The following LRRC31 variants were observed in gnomAD, a reference collection of about 807,000 sequenced individuals.
The protein encoded by LRRC31 is leucine rich repeat containing 31.
In LRRC31, 35 loss-of-function variants were observed where a neutral mutation model predicts 46.7. The observed-to-expected ratio is 0.75, with a 90% CI of 0.57 to 0.99. The LOEUF (loss-of-function observed/expected upper bound fraction) is 0.99, where lower values mean the gene tolerates loss of function less well. Ranked by LOEUF, LRRC31 falls within the 50% of genes least tolerant of loss-of-function variation. LRRC31 has a pLI of 0.00. For synonymous variants in LRRC31, 236 were observed against 235.1 expected, an observed-to-expected ratio of 1.00 and a Z score of -0.03; for missense variants, 613 against 626.1, an observed-to-expected ratio of 0.98 and a Z score of 0.22.
intron 8 of LRRC31, among the ~76,000 whole-genome samples, chr3:169,843,236 G>A (rs1479674572): frequency 6.6e-6 from 1 of 152,188 alleles, no homozygotes; most frequent in Non-Finnish European, 1.5e-5. Context: ...AAAATGAGGG[G>A]CCATGTATCA....
In LRRC31 at chr3:169,848,196, T is replaced by C. The variant is rs534855486; in HGVS notation, c.1251A>G (p.Thr417=). ...CTTGAAGAGACATGGAAAGCTTTAG[T>C]GTTTCCAGAAGCAGCTTCAAGTTGC... The part of the protein sequence containing the change: ...VGGNLKLLLE[T]LKLSMSLQVL... Residue 417 remains threonine, a synonymous_variant, in exon 8 of 9, where the codon ACA becomes ACG. Coordinates refer to ENST00000316428, the MANE Select transcript of LRRC31 (RefSeq NM_024727.4). 10 of 1,614,186 alleles carry C rather than the reference T, an allele frequency of 6.2e-6. No individual in the cohort carries two copies. In the East Asian group the frequency reaches 2.0e-4, roughly 32 times the overall value.
At chr3:169,851,807 G>A in intron 6 of LRRC31, 21 bp from the exon 7 acceptor site, 2 of 1,612,346 alleles carry the variant, frequency 1.2e-6, no homozygotes, top group East Asian at 4.5e-5. Context: ...TATCAACAGT[G>A]ACATGTTTTA....
chr3:169,856,471 C>T lies in LRRC31; in HGVS notation c.688G>A (p.Val230Ile), dbSNP rs760147467. ...TCTCTGTTAATGGAAAGATCAAGTA[C>T]TTCGAGACTTTGCAGCATAGGTAGC... ...QLLPMLQSLEVLDLSINRDIV... is the reference protein window; with the variant it reads ...QLLPMLQSLEILDLSINRDIV... The change falls in exon 5 of 9, where the codon GTA becomes ATA. Residue 230 changes from valine to isoleucine, a missense_variant. Coordinates refer to ENST00000316428, the MANE Select transcript of LRRC31 (RefSeq NM_024727.4). 1 of 1,602,916 alleles carries T rather than the reference C, an allele frequency of 6.2e-7. No individual in the cohort carries two copies. The highest frequency in any genetic ancestry group is 1.7e-5 in the Admixed American group (1 of 58,434).
Position 169,860,740 on chromosome 3 carries a change from C to A in LRRC31, c.320-12G>T, listed in dbSNP as rs746163635. The A allele has an allele frequency of 3.1e-6, 5 of 1,612,502 alleles. No homozygotes were observed. The highest frequency in any genetic ancestry group is 1.1e-5 in the South Asian group (1 of 91,008). ...AGGCAGCAAGGCAACTAGAAGTGAA[C>A]AGAAGAAAATACAGATATGTGTATG... On this transcript the variant is annotated splice_polypyrimidine_tract_variant and intron_variant, in intron 2 of 8. Transcript: ENST00000316428.
intron 1 of LRRC31, among the ~76,000 whole-genome samples, chr3:169,868,199 C>A (rs1232911814): frequency 1.3e-5 from 2 of 152,204 alleles, no homozygotes; most frequent in African/African-American, 2.4e-5. Flanking sequence ...TGTCTCCCAT[C>A]CTGCTTTAGC....
intron 8 of LRRC31, among the ~76,000 whole-genome samples, chr3:169,845,947 T>C (rs76774565): frequency 0.015 from 2,317 of 152,232 alleles, 60 homozygotes; most frequent in African/African-American, 0.053. Context: ...AATAGCAAAT[T>C]ATATTTCTGA....
chr3:169,859,762 G>T (rs986661393), intron 3 of LRRC31, among the ~76,000 whole-genome samples: 2 of 152,152 alleles, frequency 1.3e-5, no homozygotes, highest in African/African-American at 2.4e-5. Context: ...AATTGTAAAA[G>T]AACTTAATTC....
rs1780660041 is a variant in LRRC31 at position 169,848,174 on chromosome 3, G to A, written c.1273C>T (p.Gln425Ter). Reference sequence around the variant, plus strand: ...GAACAGCTGCTCAGCCTCAGCACTTGAAGAGACATGGAAAGCTTTAGTGTT... The same window carrying A: ...GAACAGCTGCTCAGCCTCAGCACTTAAAGAGACATGGAAAGCTTTAGTGTT... ...LETLKLSMSL[Q>*]VLRLSSCSLV... Residue 425 changes from glutamine (Q) to a stop codon, truncating the protein, a stop_gained, in exon 8 of 9, where the codon CAA becomes TAA. Coordinates refer to ENST00000316428, the MANE Select transcript of LRRC31 (RefSeq NM_024727.4). LOFTEE classifies it high-confidence loss of function. The A allele has an allele frequency of 6.2e-7, 1 of 1,614,094 alleles. No individual in the cohort carries two copies. Among genetic ancestry groups the A allele is most frequent in the South Asian group, 1.1e-5 (1 of 91,080 alleles).
intron 1 of LRRC31, 146 bp downstream of exon 1, chr3:169,869,487 G>T (rs534868826): frequency 3.1e-4 from 162 of 528,372 alleles, no homozygotes; most frequent in Admixed American, 7.3e-4. Context: ...ATTAGGCATT[G>T]CATGCCTGTA....
chr3:169,863,099 G>T (rs1408170770), intron 1 of LRRC31, among the ~76,000 whole-genome samples: 1 of 151,816 alleles, frequency 6.6e-6, no homozygotes, highest in Admixed American at 6.6e-5. Flanking sequence ...GGCCAGGCTG[G>T]TCTCGAACTC....
At chr3:169,867,047 G>GTTTTGT (rs1560636105) in intron 1 of LRRC31, among the ~76,000 whole-genome samples, 2 of 92,678 alleles carry the variant, frequency 2.2e-5, no homozygotes, top group African/African-American at 1.9e-4. Context: ...GGTTTTTTTT[G>GTTTTGT]TTTGTTTGTT....
chr3:169,850,634 T>C (rs997648495), intron 7 of LRRC31, among the ~76,000 whole-genome samples: 1 of 152,250 alleles, frequency 6.6e-6, no homozygotes, highest in Admixed American at 6.5e-5. Context: ...TTACCTCATG[T>C]ACTTAACATC....
intron 1 of LRRC31, 58 bp downstream of exon 1, chr3:169,869,575 T>C (rs759317589): frequency 1.5e-5 from 21 of 1,445,212 alleles, no homozygotes; most frequent in Admixed American, 2.3e-5. Flanking sequence ...ATATTTTAAA[T>C]GTGGAAGTAA....
intron 5 of LRRC31, among the ~76,000 whole-genome samples, chr3:169,855,406 A>G (rs1194874185): frequency 6.6e-6 from 1 of 152,058 alleles, no homozygotes; most frequent in East Asian, 1.9e-4. Context: ...CCTTCTGTGA[A>G]CCCGACCATG....
At chr3:169,866,250 C>A (rs1781328825) in intron 1 of LRRC31, among the ~76,000 whole-genome samples, 1 of 152,092 alleles carries the variant, frequency 6.6e-6, no homozygotes. Flanking sequence ...AGGCAAGAGA[C>A]AATGAGAGCT....
intron 7 of LRRC31, among the ~76,000 whole-genome samples, chr3:169,849,841 C>T (rs142553352): frequency 1.1e-3 from 173 of 152,332 alleles, no homozygotes; most frequent in Middle Eastern, 6.8e-3. Flanking sequence ...AGGTTAGGCA[C>T]AGTAAACCAC....
chr3:169,847,164 C>A (rs1434793894), intron 8 of LRRC31, among the ~76,000 whole-genome samples: 1 of 152,028 alleles, frequency 6.6e-6, no homozygotes, highest in African/African-American at 2.4e-5. Context: ...AAAGTGGAAA[C>A]ATAGAATGAG....
In LRRC31 at chr3:169,856,781, C is replaced by T. The variant is rs1307263705; in HGVS notation, c.579G>A (p.Lys193=). The change falls in exon 4 of 9, where the codon AAG becomes AAA. Residue 193 remains lysine, a synonymous_variant. Coordinates refer to ENST00000316428, the MANE Select transcript of LRRC31 (RefSeq NM_024727.4). ...VGGNLPLILQ[K]FQKGSKIQMI... ...TTTGTATCTTGCTCCCTTTTTGGAA[C>T]TTCTGAAGGATCAGAGGCAAATTTC... 5 of 1,608,554 alleles carry T rather than the reference C, an allele frequency of 3.1e-6. No homozygotes were observed. The highest frequency in any genetic ancestry group is 2.7e-5 in the African/African-American group (2 of 74,578).
chr3:169,861,697 A>T lies in LRRC31; in HGVS notation c.292T>A (p.Leu98Ile). 1 of 1,614,108 alleles carries T rather than the reference A, an allele frequency of 6.2e-7. No homozygotes were observed. The highest frequency in any genetic ancestry group is 1.7e-5 in the Admixed American group (1 of 60,006). ...NKCLDLNNCGLTTADMKEMVA... is the reference protein window; with the variant it reads ...NKCLDLNNCGITTADMKEMVA... Reference sequence around the variant, plus strand: ...ATTTCTTTCATGTCCGCTGTTGTTAATCCACAGTTATTCAAATCTAGACAC... The same window carrying T: ...ATTTCTTTCATGTCCGCTGTTGTTATTCCACAGTTATTCAAATCTAGACAC... The change falls in exon 2 of 9, where the codon TTA (leucine) becomes ATA (isoleucine). Residue 98 changes from leucine (L) to isoleucine (I), a missense_variant. By Grantham distance (5) the Leu-to-Ile change is conservative (BLOSUM62 2). Coordinates refer to ENST00000316428, the MANE Select transcript of LRRC31 (RefSeq NM_024727.4).
Sources: allele counts gnomAD v4.1 joint callset (sites outside exome capture counted in the v4.1 genomes callset), GRCh38; gene constraint gnomAD v4.1.1; transcripts MANE v1.5; gene names NCBI Gene and HGNC (gene_info 2026-07-23, HGNC 2026-07-21).